The following COMMD10 variants were observed in gnomAD, a reference collection of about 807,000 sequenced individuals.
COMMD10 encodes COMM domain-containing protein 10.
In COMMD10, 33 loss-of-function variants were observed where a neutral mutation model predicts 28.9. The observed-to-expected ratio is 1.14, with a 90% confidence interval of 0.87 to 1.53. COMMD10 has a LOEUF of 1.53. COMMD10 is among the 40% of genes most tolerant of loss of function. The pLI is 0.00. For synonymous variants in COMMD10, 110 were observed against 81.7 expected (o/e 1.35, Z -1.87); for missense variants, 310 against 233.4 (o/e 1.33, Z -2.14).
intron 1 of COMMD10, chr5:116,085,349 G>C (rs1580431063): frequency 2.1e-6 from 1 of 483,074 alleles, no homozygotes; most frequent in African/African-American, 2.0e-5. Context: ...GGAAGCGTGT[G>C]GTCTGCAAGC....
At chr5:116,091,649 T>C (rs1750300797) in intron 3 of COMMD10, among the ~76,000 whole-genome samples, 1 of 152,180 alleles carries the variant, frequency 6.6e-6, no homozygotes, top group Admixed American at 6.5e-5. Flanking sequence ...ATACTTCCTT[T>C]ATTTGGATTT....
At chr5:116,195,525 G>A (rs1748490877) in intron 5 of COMMD10, among the ~76,000 whole-genome samples, 1 of 151,976 alleles carries the variant, frequency 6.6e-6, no homozygotes, top group Admixed American at 6.6e-5. Flanking sequence ...CGACCAAACA[G>A]AGAATCAAGT....
chr5:116,115,440 C>T (rs553601348), intron 4 of COMMD10, among the ~76,000 whole-genome samples: 1 of 152,164 alleles, frequency 6.6e-6, no homozygotes, highest in Non-Finnish European at 1.5e-5. Flanking sequence ...GGAACACTTA[C>T]ATTATAAGTG....
At chr5:116,148,014 A>G (rs1235438970) in intron 5 of COMMD10, among the ~76,000 whole-genome samples, 3 of 151,784 alleles carry the variant, frequency 2.0e-5, no homozygotes, top group Admixed American at 6.6e-5. Context: ...TGTTGTTTGT[A>G]TGTTCCATTT....
At chr5:116,256,441 A>G (rs1248578385) in intron 5 of COMMD10, among the ~76,000 whole-genome samples, 1 of 151,750 alleles carries the variant, frequency 6.6e-6, no homozygotes, top group East Asian at 1.9e-4. Flanking sequence ...TGGGTGCTGT[A>G]GAAATTACCT....
chr5:116,126,733 T>C (rs956227292), intron 4 of COMMD10, among the ~76,000 whole-genome samples: 1 of 152,208 alleles, frequency 6.6e-6, no homozygotes, highest in African/African-American at 2.4e-5. Context: ...TGTAGAAAGC[T>C]GAAACTGGAT....
At chr5:116,260,336 A>T (rs1033627263) in intron 5 of COMMD10, among the ~76,000 whole-genome samples, 8 of 151,842 alleles carry the variant, frequency 5.3e-5, no homozygotes, top group Admixed American at 5.3e-4. Context: ...GTGGAAACTA[A>T]TGACTTTGGA....
chr5:116,202,266 T>G (rs1748688891), intron 5 of COMMD10, among the ~76,000 whole-genome samples: 3 of 151,754 alleles, frequency 2.0e-5, no homozygotes, highest in Non-Finnish European at 2.9e-5. Flanking sequence ...GTGCCACATT[T>G]TCTTAATCCA....
intron 5 of COMMD10, among the ~76,000 whole-genome samples, chr5:116,289,674 G>T (rs1387309364): frequency 6.6e-6 from 1 of 151,856 alleles, no homozygotes; most frequent in East Asian, 1.9e-4. Context: ...GGCATGGGGG[G>T]TGGTGGGTTC....
chr5:116,249,692 T>C (rs1750054639), intron 5 of COMMD10, among the ~76,000 whole-genome samples: 1 of 151,872 alleles, frequency 6.6e-6, no homozygotes, highest in Admixed American at 6.6e-5. Context: ...TTGTAGTTTA[T>C]AAAATGGTTT....
At chr5:116,166,101 A>C (rs1753082206) in intron 5 of COMMD10, among the ~76,000 whole-genome samples, 1 of 152,016 alleles carries the variant, frequency 6.6e-6, no homozygotes, top group Admixed American at 6.6e-5. Context: ...TGCATGTTTA[A>C]ATATTTCTAT....
chr5:116,085,348 TGGTCTGCAAGCGTGG>T (rs943440342), intron 1 of COMMD10: 15 of 487,604 alleles, frequency 3.1e-5, no homozygotes, highest in African/African-American at 4.1e-5. Flanking sequence ...CGGAAGCGTG[TGGTCTGCAAGCGTGG>T]GGTCTGCGTC....
intron 5 of COMMD10, among the ~76,000 whole-genome samples, chr5:116,260,959 C>G (rs374744118): frequency 1.3e-5 from 2 of 151,702 alleles, no homozygotes; most frequent in Non-Finnish European, 2.9e-5. Flanking sequence ...TTGAAAATTA[C>G]TAACAGATCT....
At chr5:116,216,576 G>A (rs1749106363) in intron 5 of COMMD10, among the ~76,000 whole-genome samples, 1 of 152,152 alleles carries the variant, frequency 6.6e-6, no homozygotes, top group Admixed American at 6.5e-5. Flanking sequence ...TCTGTCACCA[G>A]GCTGGAGTTC....
chr5:116,205,166 A>G (rs556781078), intron 5 of COMMD10, among the ~76,000 whole-genome samples: 14 of 152,176 alleles, frequency 9.2e-5, no homozygotes, highest in Non-Finnish European at 1.3e-4. Flanking sequence ...TAAATTTTAA[A>G]TTCTAAATGA....
intron 4 of COMMD10, among the ~76,000 whole-genome samples, chr5:116,132,400 A>G (rs1401449342): frequency 2.6e-5 from 4 of 152,166 alleles, no homozygotes; most frequent in Admixed American, 2.6e-4. Flanking sequence ...TAGTTTAAGC[A>G]TGAACCAAAT....
intron 5 of COMMD10, among the ~76,000 whole-genome samples, chr5:116,235,843 A>T (rs1264556137): frequency 1.3e-5 from 2 of 152,138 alleles, no homozygotes; most frequent in Non-Finnish European, 2.9e-5. Flanking sequence ...CAAGTATTTT[A>T]TTCATTCAGT....
chr5:116,203,964 A>G (rs1748743875), intron 5 of COMMD10, among the ~76,000 whole-genome samples: 1 of 152,198 alleles, frequency 6.6e-6, no homozygotes, highest in Non-Finnish European at 1.5e-5. Flanking sequence ...TAAAGAGTCA[A>G]GACCCATCAG....
intron 5 of COMMD10, among the ~76,000 whole-genome samples, chr5:116,250,720 C>G (rs779983775): frequency 1.3e-4 from 20 of 151,904 alleles, no homozygotes; most frequent in Admixed American, 5.3e-4. Flanking sequence ...GGGAACTGAT[C>G]AGCCTGCCTG....
Sources: gnomAD v4.1 joint callset for allele counts (sites outside exome capture counted in the v4.1 genomes callset) on GRCh38, gnomAD v4.1.1 for gene constraint, MANE v1.5 for transcripts, NCBI Gene and HGNC (gene_info 2026-07-23, HGNC 2026-07-21) for gene names.